ATRNL1: variants seen among roughly 807,000 people sequenced by gnomAD.
ATRNL1 encodes the protein attractin-like protein 1.
ATRNL1 carries 95 observed loss-of-function variants against 182.7 expected under a neutral mutation model. That is an observed-to-expected ratio of 0.52 (90% CI 0.44 to 0.62). The LOEUF is 0.62. ATRNL1 is among the 20% of genes least tolerant of loss of function. ATRNL1 has a pLI of 0.00. For missense variants in ATRNL1, 1,471 were observed against 1,679.5 expected (o/e 0.88, Z 2.17); for synonymous variants, 576 against 568.3 (o/e 1.01, Z -0.19).
chr10:115,321,455 A>C (rs1450016068), intron 18 of ATRNL1, among the ~76,000 whole-genome samples: 1 of 151,692 alleles, frequency 6.6e-6, no homozygotes, highest in Middle Eastern at 3.2e-3. Flanking sequence ...GTGGTTTTTT[A>C]GTTTTCTGTA....
intron 21 of ATRNL1, among the ~76,000 whole-genome samples, chr10:115,444,836 A>G (rs151283623): frequency 0.029 from 4,452 of 151,842 alleles, 216 homozygotes; most frequent in African/African-American, 0.099. Flanking sequence ...GGTTCATGCG[A>G]TTCTCCTGCC....
At chr10:115,253,027 C>G (rs1171562748) in intron 10 of ATRNL1, among the ~76,000 whole-genome samples, 1 of 152,212 alleles carries the variant, frequency 6.6e-6, no homozygotes, top group Non-Finnish European at 1.5e-5. Context: ...ATCCAGCTCT[C>G]AAACTCCAAC....
rs181873499 is a variant in ATRNL1, at chr10:115,781,186, T to G, written c.3903+53831T>G. ...TACATATCCACAAGAAAGGCTAAAA[T>G]TAAAGACAAGCATCACCAAATCCAA... is the stretch of plus-strand genomic sequence containing the variant. On this transcript the variant is annotated intron_variant, in intron 27 of 28. Coordinates refer to ENST00000355044, the MANE Select transcript of ATRNL1 (RefSeq NM_207303.4). 1.2e-3 allele frequency among the ~76,000 whole-genome samples: 178 copies of G among 152,216 alleles called. 1 individual carries two copies. In the Middle Eastern group the frequency reaches 0.014, roughly 12 times the overall value.
chr10:115,532,149 T>C (rs1185593745), intron 25 of ATRNL1, among the ~76,000 whole-genome samples: 1 of 152,126 alleles, frequency 6.6e-6, no homozygotes, highest in African/African-American at 2.4e-5. Context: ...AAAGTAGTTT[T>C]TTCCAATTCT....
Position 115,461,976 on chromosome 10 carries a change from T to G in ATRNL1, c.3358T>G (p.Leu1120Val). 1 of 1,611,434 alleles carries G rather than the reference T, an allele frequency of 6.2e-7. No individual in the cohort carries two copies. ...GATTGATTATCAATTTACCTTCAGCTTATTACAGGAAGATGATCGCCACCA... is the reference window on the plus strand; with the variant it reads ...GATTGATTATCAATTTACCTTCAGCGTATTACAGGAAGATGATCGCCACCA... ...LLIDYQFTFS[L>V]LQEDDRHHTA... Residue 1120 changes from leucine to valine, a missense_variant, in exon 22 of 29, where the codon TTA becomes GTA. Physicochemically the swap from Leu to Val is conservative, Grantham distance 32. This residue lies in a region of ATRNL1 where 437 missense variants were observed against 506.0 expected (regional missense o/e 0.86). Coordinates refer to ENST00000355044, the MANE Select transcript of ATRNL1 (RefSeq NM_207303.4).
intron 28 of ATRNL1, among the ~76,000 whole-genome samples, chr10:115,867,659 C>A (rs1193089149): frequency 6.6e-6 from 1 of 152,026 alleles, no homozygotes; most frequent in African/African-American, 2.4e-5. Flanking sequence ...AGATTGGGAA[C>A]ACACAGTTTC....
At chr10:115,540,306 G>T (rs542710165) in intron 25 of ATRNL1, among the ~76,000 whole-genome samples, 1 of 151,956 alleles carries the variant, frequency 6.6e-6, no homozygotes, top group Non-Finnish European at 1.5e-5. Flanking sequence ...TAGCCCTCCC[G>T]CTGCACTGAC....
chr10:115,256,120 A>C (rs1380736748), intron 10 of ATRNL1, among the ~76,000 whole-genome samples: 1 of 152,160 alleles, frequency 6.6e-6, no homozygotes, highest in African/African-American at 2.4e-5. Context: ...TGTCTCTACC[A>C]GGCTTTGGTA....
At chr10:115,851,468 G>A (rs1342246837) in intron 28 of ATRNL1, among the ~76,000 whole-genome samples, 3 of 152,154 alleles carry the variant, frequency 2.0e-5, no homozygotes, top group Middle Eastern at 3.4e-3. Context: ...GGCCATTTTA[G>A]TTTCTTTCTG....
At chr10:115,755,256 A>G (rs570720841) in intron 27 of ATRNL1, among the ~76,000 whole-genome samples, 55 of 152,264 alleles carry the variant, frequency 3.6e-4, no homozygotes, top group Middle Eastern at 6.8e-3. Flanking sequence ...CTGGTTTTCA[A>G]AGGTAATGCC....
chr10:115,813,403 TTATC>T (rs1401971581), intron 27 of ATRNL1, among the ~76,000 whole-genome samples: 2 of 152,162 alleles, frequency 1.3e-5, no homozygotes, highest in African/African-American at 4.8e-5. Context: ...ATTTCTGTAT[TTATC>T]AAGCTGAAAA....
chr10:115,310,910 G>A (rs1421179783), intron 17 of ATRNL1, among the ~76,000 whole-genome samples: 4 of 152,086 alleles, frequency 2.6e-5, no homozygotes, highest in African/African-American at 9.7e-5. Context: ...ACATTAGGTT[G>A]TCAGTGTGTG....
intron 5 of ATRNL1, among the ~76,000 whole-genome samples, chr10:115,139,419 T>C (rs1845664313): frequency 6.6e-6 from 1 of 152,202 alleles, no homozygotes; most frequent in South Asian, 2.1e-4. Flanking sequence ...TTAATGGACT[T>C]ACAGTTCCAC....
At chr10:115,528,996 T>A (rs575437638) in intron 25 of ATRNL1, among the ~76,000 whole-genome samples, 65 of 152,254 alleles carry the variant, frequency 4.3e-4, no homozygotes, top group Non-Finnish European at 7.7e-4. Flanking sequence ...ACATTTATCT[T>A]TTAAAATCTA....
At chr10:115,611,785 T>C (rs1555019062) in intron 26 of ATRNL1, among the ~76,000 whole-genome samples, 2 of 152,138 alleles carry the variant, frequency 1.3e-5, no homozygotes, top group Non-Finnish European at 2.9e-5. Context: ...AGGCCAGTAA[T>C]GTAGGGAATT....
At chr10:115,327,756 T>TA (rs1554933841) in intron 18 of ATRNL1, among the ~76,000 whole-genome samples, 2 of 151,808 alleles carry the variant, frequency 1.3e-5, no homozygotes, top group Admixed American at 1.3e-4. Context: ...TATGCAGCCA[T>TA]AAAAAATGAT....
Position 115,409,706 on chromosome 10 carries a change from G to A in ATRNL1, c.3269+14954G>A, listed in dbSNP as rs868924831. Reference sequence around the variant, plus strand: ...AAACCAAGAGCATGATAGTAAAACAGGAGTAGATTAACCCTGATACCAAAA... The same window carrying A: ...AAACCAAGAGCATGATAGTAAAACAAGAGTAGATTAACCCTGATACCAAAA... On this transcript the variant is annotated intron_variant, in intron 20 of 28. Transcript: ENST00000355044. 1.4e-4 allele frequency among the ~76,000 whole-genome samples: 21 copies of A among 152,234 alleles called. 1 individual carries two copies. In the South Asian group the frequency reaches 2.1e-3, roughly 15 times the overall value.
intron 26 of ATRNL1, among the ~76,000 whole-genome samples, chr10:115,659,029 A>G (rs1860511863): frequency 2.0e-5 from 3 of 152,096 alleles, no homozygotes; most frequent in Admixed American, 6.6e-5. Flanking sequence ...GGAGAATAAC[A>G]TGGGGGAAAC....
At chr10:115,591,403 G>A (rs1327766894) in intron 26 of ATRNL1, among the ~76,000 whole-genome samples, 2 of 152,116 alleles carry the variant, frequency 1.3e-5, no homozygotes, top group South Asian at 4.1e-4. Context: ...GACTAGAGAG[G>A]GAAGCTTCTC....
Sources: allele counts gnomAD v4.1 joint callset (sites outside exome capture counted in the v4.1 genomes callset), GRCh38; gene constraint gnomAD v4.1.1; regional missense constraint gnomAD v4.1.1; transcripts MANE v1.5; gene names NCBI Gene and HGNC (gene_info 2026-07-23, HGNC 2026-07-21).